CSAD: variants seen among roughly 807,000 people sequenced by gnomAD.
CSAD encodes the protein cysteine sulfinic acid decarboxylase, also known as P-selectin cytoplasmic tail-associated protein.
Under a neutral mutation model 61.5 loss-of-function variants are expected in CSAD, and 47 were observed. The ratio of observed to expected loss-of-function variants is 0.76; its 90% CI spans 0.60 to 0.97. The LOEUF is 0.97. Among genes scored for constraint, CSAD ranks in the 50% least tolerant of loss-of-function variants. CSAD has a pLI of 0.00. For missense variants in CSAD, 611 were observed against 643.6 expected, an observed-to-expected ratio of 0.95 and a Z score of 0.55; for synonymous variants, 245 against 252.7, an observed-to-expected ratio of 0.97 and a Z score of 0.29.
chr12:53,172,518 C>T lies in CSAD; in HGVS notation c.253+4G>A. On this transcript the variant is annotated splice_donor_region_variant and intron_variant, in intron 5 of 16. Coordinates refer to ENST00000444623, the MANE Select transcript of CSAD (RefSeq NM_001244705.2). ...GTCTCCTCCTCACAGAAGCCAGGGC[C>T]CACCAGTCTTGACACTGTAGCGAAT... 6.2e-7 allele frequency: 1 copy of T among 1,614,144 alleles called. No individual in the cohort carries two copies. The highest frequency in any genetic ancestry group is 8.5e-7 in the Non-Finnish European group (1 of 1,180,020).
At chr12:53,160,704 T>C in intron 13 of CSAD, 59 bp downstream of exon 13, 1 of 1,392,870 alleles carries the variant, frequency 7.2e-7, no homozygotes, top group South Asian at 1.2e-5. Context: ...TAAGGTGGGA[T>C]AGAGAAGGCA....
intron 4 of CSAD, 42 bp downstream of exon 4, chr12:53,173,299 AAAAG>A (rs1940813360): frequency 3.9e-6 from 6 of 1,535,560 alleles, no homozygotes; most frequent in Non-Finnish European, 5.4e-6. Context: ...AAGAGAAAAG[AAAAG>A]AAAGAAAGCT....
chr12:53,160,189 C>T lies in CSAD; in HGVS notation c.1097G>A (p.Trp366Ter), dbSNP rs1225356557. ...CGRRVDCLKL[W>*]LMWKAQGDQG... is the part of the protein sequence containing the mutation. ...ATCGCCCTGTGCCTTCCACATGAGC[C>T]ACAGCTTCAGACAGTCCACACGGCG... Residue 366 changes from tryptophan to a stop codon, truncating the protein, a stop_gained, in exon 14 of 17, where the codon TGG (tryptophan) becomes TAG (stop). Coordinates refer to ENST00000444623, the MANE Select transcript of CSAD (RefSeq NM_001244705.2). LOFTEE classifies it high-confidence loss of function. 6.2e-7 allele frequency: 1 copy of T among 1,614,216 alleles called. No homozygotes were observed. Among genetic ancestry groups the T allele is most frequent in the African/African-American group, 1.3e-5 (1 of 75,072 alleles).
chr12:53,175,885 C>G (rs1206427232), intron 2 of CSAD, among the ~76,000 whole-genome samples: 2 of 152,084 alleles, frequency 1.3e-5, no homozygotes, highest in Non-Finnish European at 2.9e-5. Context: ...TTCTTGTTTT[C>G]AAGATGAGGA....
chr12:53,174,184 G>C (rs952677068), intron 2 of CSAD, among the ~76,000 whole-genome samples: 2 of 150,502 alleles, frequency 1.3e-5, no homozygotes, highest in African/African-American at 5.0e-5. Context: ...GGCCCCTGTA[G>C]TCCCAGCTAG....
intron 2 of CSAD, among the ~76,000 whole-genome samples, chr12:53,177,094 T>A (rs908419180): frequency 6.6e-6 from 1 of 152,228 alleles, no homozygotes; most frequent in African/African-American, 2.4e-5. Flanking sequence ...GTTGGTTATA[T>A]TCTTATATTT....
intron 10 of CSAD, chr12:53,164,274 T>C: frequency 6.3e-6 from 1 of 157,954 alleles, no homozygotes. Context: ...CCTTTGTACT[T>C]CAAAGGACAC....
intron 6 of CSAD, 126 bp from the exon 7 acceptor site, chr12:53,172,114 GA>G: frequency 1.3e-6 from 1 of 741,358 alleles, no homozygotes; most frequent in South Asian, 1.8e-5. Context: ...CCAAGGAGAA[GA>G]ACGAGTTGGT....
chr12:53,171,828 GGGA>G, intron 7 of CSAD, 51 bp downstream of exon 7: 1 of 1,139,498 alleles, frequency 8.8e-7, no homozygotes, highest in Non-Finnish European at 1.3e-6. Context: ...AGAACGGTGG[GGGA>G]GGAGGAACTC....
chr12:53,181,038 C>T (rs1047486998), upstream of CSAD: 1 of 880,602 alleles, frequency 1.1e-6, no homozygotes, highest in South Asian at 2.3e-5. Flanking sequence ...GCCGCGTCCC[C>T]GGCCCGGGAG....
intron 10 of CSAD, among the ~76,000 whole-genome samples, chr12:53,161,887 G>A (rs1486388094): frequency 1.3e-5 from 2 of 152,096 alleles, no homozygotes; most frequent in Non-Finnish European, 2.9e-5. Flanking sequence ...TTGAGCCCAG[G>A]AGTTTGAGGT....
Position 53,172,622 on chromosome 12 carries a change from C to T in CSAD, c.153G>A (p.Glu51=). ...GCTCCAAATCCAGCAGCTGCTTCAG[C>T]TCCTCAGGCTCCTTCCACTCACAGA... ...QKVCEWKEPE[E]LKQLLDLELR... is the part of the protein sequence containing the mutation. The change falls in exon 5 of 17, where the codon GAG becomes GAA. Residue 51 remains glutamate, a synonymous_variant. Coordinates refer to ENST00000444623, the MANE Select transcript of CSAD (RefSeq NM_001244705.2). 1 of 1,608,142 alleles carries T rather than the reference C, an allele frequency of 6.2e-7. No homozygotes were observed. The highest frequency in any genetic ancestry group is 8.5e-7 in the Non-Finnish European group (1 of 1,178,008).
In CSAD at chr12:53,173,740, GA is replaced by G; in HGVS notation, c.-20del. 1.9e-6 allele frequency: 3 copies of G among 1,611,898 alleles called. No individual in the cohort carries two copies. Among genetic ancestry groups the G allele is most frequent in the Non-Finnish European group, 2.5e-6 (3 of 1,178,196 alleles). On this transcript the variant is annotated 5_prime_UTR_variant, in exon 3 of 17. Transcript: ENST00000444623. The stretch of plus-strand genomic sequence containing the variant: ...GAGACAAGCTTACCTCTCTGCTCAG[GA>G]GAGCCGGAGGCAGGGTGCACAGGTA...
chr12:53,161,023 C>A, intron 12 of CSAD, 104 bp downstream of exon 12: 1 of 1,247,426 alleles, frequency 8.0e-7, no homozygotes. Context: ...AGTCCCCCTC[C>A]CCTCAGCCTC....
chr12:53,180,638 C>G (rs1941529016), intron 1 of CSAD, 94 bp downstream of exon 1: 1 of 1,283,644 alleles, frequency 7.8e-7, no homozygotes, highest in Admixed American at 2.3e-5. Context: ...AGCTGCCGAG[C>G]CCGGAAGTGG....
chr12:53,168,593 G>A (rs552310794), intron 10 of CSAD, among the ~76,000 whole-genome samples: 1 of 152,088 alleles, frequency 6.6e-6, no homozygotes, highest in East Asian at 1.9e-4. Flanking sequence ...TATATACAGT[G>A]GAGATACTTT....
intron 10 of CSAD, among the ~76,000 whole-genome samples, chr12:53,161,596 C>A (rs1939287673): frequency 6.6e-6 from 1 of 151,766 alleles, no homozygotes; most frequent in African/African-American, 2.4e-5. Flanking sequence ...GACTTCGAAC[C>A]TAGGTTTTCA....
At chr12:53,169,775 C>G (rs1048309646) in intron 10 of CSAD, among the ~76,000 whole-genome samples, 1 of 152,044 alleles carries the variant, frequency 6.6e-6, no homozygotes, top group Non-Finnish European at 1.5e-5. Context: ...CCCTCACAGC[C>G]CACAGGAACC....
At position 53,169,840 on chromosome 12, in the gene CSAD, C is replaced by A. The variant is rs75335244; in HGVS notation, c.702+232G>T. ...CCTCCCTGTGGTGCTGCCTGGGACT[C>A]GCTCCCTCACTCAGCCCTGCCTCTC... On this transcript the variant is annotated intron_variant, in intron 10 of 16. Coordinates refer to ENST00000444623, the MANE Select transcript of CSAD (RefSeq NM_001244705.2). 9.9e-5 allele frequency among the ~76,000 whole-genome samples: 15 copies of A among 152,208 alleles called. No homozygotes were observed. In the South Asian group the frequency reaches 2.1e-3, roughly 21 times the overall value.
Sources: allele counts gnomAD v4.1 joint callset (sites outside exome capture counted in the v4.1 genomes callset), GRCh38; gene constraint gnomAD v4.1.1; transcripts MANE v1.5; gene names NCBI Gene and HGNC (gene_info 2026-07-23, HGNC 2026-07-21).